The following PRRC2C variants were observed in gnomAD, a reference collection of about 807,000 sequenced individuals.
The protein encoded by PRRC2C is proline rich coiled-coil 2C, also known as protein PRRC2C.
A neutral mutation model predicts 317.2 loss-of-function variants in PRRC2C; 72 were observed. That is an observed-to-expected ratio of 0.23 (90% CI 0.19 to 0.28). PRRC2C has a LOEUF of 0.28. Ranked by LOEUF, PRRC2C falls within the 10% of genes least tolerant of loss-of-function variation. The pLI is 1.00. For missense variants in PRRC2C, 3,074 were observed against 3,459.7 expected (o/e 0.89, Z 2.80); for synonymous variants, 1,296 against 1,205.9 (o/e 1.07, Z -1.55).
chr1:171,543,103 G>T (rs1332563830), intron 16 of PRRC2C, among the ~76,000 whole-genome samples: 1 of 150,858 alleles, frequency 6.6e-6, no homozygotes, highest in Non-Finnish European at 1.5e-5. Context: ...GCCTGGTGCG[G>T]TGGCTCCTGT....
intron 23 of PRRC2C, among the ~76,000 whole-genome samples, chr1:171,570,511 A>C (rs1454894243): frequency 1.3e-5 from 2 of 152,182 alleles, no homozygotes; most frequent in African/African-American, 2.4e-5. Context: ...TAGGTAGTCC[A>C]TAGTATCACA....
Position 171,522,217 on chromosome 1 carries a change from A to G in PRRC2C, c.791A>G (p.His264Arg), listed in dbSNP as rs751406653. ...CCGAGGATGACATATCCTCCTCTACATGGTCCCATGAGATTCCCACCTTCT... is the reference window on the plus strand; with the variant it reads ...CCGAGGATGACATATCCTCCTCTACGTGGTCCCATGAGATTCCCACCTTCT... ...QYPRMTYPPL[H>R]GPMRFPPSLS... Residue 264 changes from histidine (H) to arginine (R), a missense_variant, in exon 7 of 35, where the codon CAT (histidine) becomes CGT (arginine). This residue lies in a region of PRRC2C where 237 missense variants were observed against 199.5 expected (regional missense o/e 1.19). Transcript: ENST00000647382. 5.6e-6 allele frequency: 9 copies of G among 1,600,246 alleles called. No individual in the cohort carries two copies. Among genetic ancestry groups the G allele is most frequent in the Admixed American group, 1.7e-5 (1 of 59,938 alleles).
chr1:171,540,955 A>C lies in PRRC2C; in HGVS notation c.3489A>C (p.Lys1163Asn). ...PRPDSRPAVK[K>N]ESTLPPRTYW... ...CAGATTCAAGACCAGCAGTTAAAAA[A>C]GAATCAACTTTGCCTCCCAGGACCT... The change falls in exon 16 of 35, where the codon AAA becomes AAC. Residue 1163 changes from lysine to asparagine, a missense_variant. Transcript: ENST00000647382. The C allele has an allele frequency of 6.2e-7, 1 of 1,614,030 alleles. No homozygotes were observed. Among genetic ancestry groups the C allele is most frequent in the African/African-American group, 1.3e-5 (1 of 75,058 alleles).
chr1:171,587,242 A>G, intron 31 of PRRC2C, 21 bp downstream of exon 31: 1 of 1,560,876 alleles, frequency 6.4e-7, no homozygotes, highest in Non-Finnish European at 8.7e-7. Context: ...AGACATTTGC[A>G]CAGGTTATTT....
rs1238619050 is a variant in PRRC2C, at chr1:171,540,205, G to T, written c.2739G>T (p.Arg913=). The change falls in exon 16 of 35, where the codon CGG becomes CGT. Residue 913 remains arginine (R), a synonymous_variant. Coordinates refer to ENST00000647382, the MANE Select transcript of PRRC2C (RefSeq NM_001387844.1). ...CCTTATCCGCTCCTCAAGAGGAGCG[G>T]ATTTCAGCTGTAGAAAGTCAGCCTT... ...QKTLSAPQEE[R]ISAVESQPSR... 6.2e-7 allele frequency: 1 copy of T among 1,613,772 alleles called. No homozygotes were observed. Among genetic ancestry groups the T allele is most frequent in the East Asian group, 2.2e-5 (1 of 44,872 alleles).
chr1:171,536,799 A>G (rs1221386452), intron 14 of PRRC2C, among the ~76,000 whole-genome samples: 2 of 152,152 alleles, frequency 1.3e-5, no homozygotes, highest in Non-Finnish European at 2.9e-5. Flanking sequence ...TCATGTTTTG[A>G]TTTTTACATT....
chr1:171,496,317 C>T (rs1026465951), intron 1 of PRRC2C, among the ~76,000 whole-genome samples: 17 of 146,576 alleles, frequency 1.2e-4, no homozygotes, highest in African/African-American at 4.1e-4. Flanking sequence ...ATTCTCTTGC[C>T]TCAGCCTCCC....
rs1415468249 is a variant in PRRC2C, at chr1:171,541,725, A to G, written c.4259A>G (p.Glu1420Gly). ...GAGCGAAAATTTGACCCAGCTAGAGAAAGGCCTCGAAGGCAGCGTCCTACT... is the reference window on the plus strand; with the variant it reads ...GAGCGAAAATTTGACCCAGCTAGAGGAAGGCCTCGAAGGCAGCGTCCTACT... ...KFERKFDPARERPRRQRPTRP... is the reference protein window; with the variant it reads ...KFERKFDPARGRPRRQRPTRP... Residue 1420 changes from glutamate to glycine, a missense_variant, in exon 16 of 35, where the codon GAA (glutamate) becomes GGA (glycine). Around this residue, in one of 11 missense-constraint regions of PRRC2C, gnomAD observed 1,320 missense variants for 1,395.7 expected, o/e 0.95. Coordinates refer to ENST00000647382, the MANE Select transcript of PRRC2C (RefSeq NM_001387844.1). This position sits in a 1 kb window ranked among gnomAD's most constrained non-coding sequence, Gnocchi z 4.1. The G allele has an allele frequency of 6.2e-7, 1 of 1,613,980 alleles. No homozygotes were observed. The highest frequency in any genetic ancestry group is 1.7e-5 in the Admixed American group (1 of 60,028).
Position 171,541,451 on chromosome 1 carries a change from G to T in PRRC2C, c.3985G>T (p.Asp1329Tyr). 6.2e-7 allele frequency: 1 copy of T among 1,613,780 alleles called. No individual in the cohort carries two copies. ...LLEKPYVRDD[D>Y]KAKPGFLPKG... ...AGAAAAGCCTTATGTAAGGGATGAC[G>T]ATAAAGCTAAACCAGGCTTTCTTCC... is the stretch of plus-strand genomic sequence containing the variant. Residue 1329 changes from aspartate to tyrosine, a missense_variant, in exon 16 of 35, where the codon GAT becomes TAT. Asp to Tyr is a radical substitution (Grantham distance 160, BLOSUM62 -3). Coordinates refer to ENST00000647382, the MANE Select transcript of PRRC2C (RefSeq NM_001387844.1). This position sits in a 1 kb window ranked among gnomAD's most constrained non-coding sequence, Gnocchi z 4.1.
chr1:171,523,227 T>G lies in PRRC2C; in HGVS notation c.840T>G (p.Leu280=), dbSNP rs1429637887. 3.7e-6 allele frequency: 6 copies of G among 1,610,402 alleles called. No homozygotes were observed. Among genetic ancestry groups the G allele is most frequent in the Non-Finnish European group, 5.1e-6 (6 of 1,178,522 alleles). The change falls in exon 8 of 35, where the codon CTT becomes CTG. Residue 280 remains leucine (L), a synonymous_variant. Coordinates refer to ENST00000647382, the MANE Select transcript of PRRC2C (RefSeq NM_001387844.1). ...PPSLSETNKG[L]RGRGPPPSWA... is the part of the protein sequence containing the mutation. ...ATGACCTGCCTTTCATTAGAGGCCT[T>G]CGAGGAAGAGGCCCACCTCCTTCAT...
chr1:171,514,438 T>C, intron 3 of PRRC2C, 98 bp from the exon 4 acceptor site: 1 of 903,128 alleles, frequency 1.1e-6, no homozygotes, highest in Non-Finnish European at 1.6e-6. Context: ...AATAAACATA[T>C]AGCCAAAATA....
Position 171,539,981 on chromosome 1 carries a change from G to C in PRRC2C, c.2515G>C (p.Ala839Pro). The C allele has an allele frequency of 2.5e-6, 4 of 1,608,578 alleles. 1 individual carries two copies. The South Asian group carries it at 4.4e-5, about 18-fold the overall frequency. ...EEPEDVRSEAALDQEQITAAY... is the reference protein window; with the variant it reads ...EEPEDVRSEAPLDQEQITAAY... ...TTCTTATCATCATAGGTCTGAAGCT[G>C]CGTTGGACCAGGAACAGATTACTGC... The change falls in exon 16 of 35, where the codon GCG becomes CCG. Residue 839 changes from alanine to proline, a missense_variant. Ala to Pro is a conservative substitution (Grantham distance 27). Around this residue, in one of 11 missense-constraint regions of PRRC2C, gnomAD observed 1,320 missense variants for 1,395.7 expected, o/e 0.95. Coordinates refer to ENST00000647382, the MANE Select transcript of PRRC2C (RefSeq NM_001387844.1).
At chr1:171,506,857 G>C (rs768191259) in intron 1 of PRRC2C, among the ~76,000 whole-genome samples, 1 of 151,768 alleles carries the variant, frequency 6.6e-6, no homozygotes, top group African/African-American at 2.4e-5. Context: ...CATGTCTTTT[G>C]TGTCTCTATT....
chr1:171,537,122 A>T (rs2272809), intron 14 of PRRC2C, 141 bp from the exon 15 acceptor site: 8 of 631,438 alleles, frequency 1.3e-5, no homozygotes, highest in Non-Finnish European at 2.2e-5. Flanking sequence ...ATTTCCACCA[A>T]TCTTTTACTC....
At chr1:171,583,874 A>G in intron 28 of PRRC2C, 82 bp from the exon 29 acceptor site, 3 of 1,176,020 alleles carry the variant, frequency 2.6e-6, no homozygotes, top group Non-Finnish European at 3.7e-6. Context: ...GTATTGGGTC[A>G]TTTGGGATTT....
chr1:171,590,871 G>GA lies in PRRC2C; in HGVS notation c.8437-715dup, dbSNP rs561566246. On this transcript the variant is annotated intron_variant, in intron 34 of 34. Coordinates refer to ENST00000647382, the MANE Select transcript of PRRC2C (RefSeq NM_001387844.1). ...GAGCTTAATAGTAGTAATGGGGTGG[G>GA]AGAGGGTACAAACTTCTTGAAAATT... is the stretch of plus-strand genomic sequence containing the variant. Among the ~76,000 whole-genome samples the GA allele has an allele frequency of 1.5e-4, 23 of 152,288 alleles. No homozygotes were observed. In the East Asian group the frequency reaches 3.7e-3, roughly 24 times the overall value.
intron 18 of PRRC2C, among the ~76,000 whole-genome samples, chr1:171,553,898 G>A (rs1680809141): frequency 6.6e-6 from 1 of 152,140 alleles, no homozygotes; most frequent in African/African-American, 2.4e-5. Flanking sequence ...TATTTGGTCA[G>A]TTTTGGAATA....
intron 6 of PRRC2C, among the ~76,000 whole-genome samples, chr1:171,519,300 A>G (rs539186998): frequency 1.3e-5 from 2 of 152,238 alleles, no homozygotes; most frequent in African/African-American, 4.8e-5. Flanking sequence ...TGTTATACAT[A>G]AAAAGAAAAC....
chr1:171,524,909 C>T lies in PRRC2C; in HGVS notation c.1144C>T (p.Pro382Ser), dbSNP rs1327719768. The T allele has an allele frequency of 6.2e-7, 1 of 1,611,528 alleles. No individual in the cohort carries two copies. Among genetic ancestry groups the T allele is most frequent in the East Asian group, 2.2e-5 (1 of 44,814 alleles). ...VSNTKSSSQI[P>S]AQPSVAKVPY... ...CAACACTAAATCATCTTCCCAAATACCTGCCCAACCATCAGTAGCAAAAGT... is the reference window on the plus strand; with the variant it reads ...CAACACTAAATCATCTTCCCAAATATCTGCCCAACCATCAGTAGCAAAAGT... Residue 382 changes from proline to serine, a missense_variant, in exon 10 of 35, where the codon CCT becomes TCT. Physicochemically the swap from Pro to Ser is moderately conservative, Grantham distance 74. Transcript: ENST00000647382.
Sources: gnomAD v4.1 joint callset for allele counts (sites outside exome capture counted in the v4.1 genomes callset) on GRCh38, gnomAD v4.1.1 for gene constraint, gnomAD v4.1.1 regional missense constraint, Gnocchi (gnomAD v3.1) non-coding constraint, MANE v1.5 for transcripts, NCBI Gene and HGNC (gene_info 2026-07-23, HGNC 2026-07-21) for gene names.